CCDC92: variants seen among roughly 807,000 people sequenced by gnomAD.
CCDC92 encodes the protein coiled-coil domain-containing protein 92.
CCDC92 carries 12 observed loss-of-function variants against 24.9 expected under a neutral mutation model. That is an observed-to-expected ratio of 0.48 (90% CI 0.31 to 0.78). The LOEUF is 0.78. Among genes scored for constraint, CCDC92 ranks in the 30% least tolerant of loss-of-function variants. The probability of loss-of-function intolerance (pLI) is 0.05; values close to 1 mark genes in which losing one functional copy is unlikely to be tolerated. For missense variants in CCDC92, 399 were observed against 439.4 expected (o/e 0.91, Z 0.82); for synonymous variants, 193 against 196.3 (o/e 0.98, Z 0.14).
intron 1 of CCDC92, among the ~76,000 whole-genome samples, chr12:123,946,933 G>A (rs1485405386): frequency 6.6e-6 from 1 of 152,178 alleles, no homozygotes; most frequent in Non-Finnish European, 1.5e-5. Context: ...CAGCTTGCAG[G>A]GAGGTGTGGA....
At chr12:123,940,612 CTCT>C in intron 4 of CCDC92, among the ~76,000 whole-genome samples, 1 of 152,346 alleles carries the variant, frequency 6.6e-6, no homozygotes, top group South Asian at 2.1e-4. Context: ...CCACCTCCTC[CTCT>C]GTACGTACCC....
intron 1 of CCDC92, chr12:123,962,840 C>A (rs1956303138): frequency 6.6e-6 from 1 of 151,852 alleles, no homozygotes; most frequent in Admixed American, 6.5e-5. Context: ...ATGGCTGATG[C>A]AAGATATAGG....
rs144250194 is a variant in CCDC92, at chr12:123,942,041, G to A, written c.223+703C>T. On this transcript the variant is annotated intron_variant, in intron 4 of 4. Transcript: ENST00000238156. ...ATTGCCTTCCCGACGTGATAAACCC[G>A]TTTCCAACAGGTGTCTCTGCACAAA... Among the ~76,000 whole-genome samples the A allele has an allele frequency of 1.1e-3, 173 of 152,348 alleles. 2 individuals are homozygous for A. The highest frequency in any genetic ancestry group is 4.0e-3 in the African/African-American group (165 of 41,578).
chr12:123,948,126 TG>T (rs1255260306), intron 1 of CCDC92, among the ~76,000 whole-genome samples: 1 of 152,150 alleles, frequency 6.6e-6, no homozygotes, highest in South Asian at 2.1e-4. Flanking sequence ...AGGCACACCT[TG>T]CTCAAAGAAA....
chr12:123,944,187 G>C lies in CCDC92; in HGVS notation c.34+85C>G. 4.7e-6 allele frequency: 4 copies of C among 847,232 alleles called. No individual in the cohort carries two copies. The South Asian group carries it at 5.4e-5, about 11-fold the overall frequency. 52.5% of individuals were successfully genotyped at this position (847,232 alleles called of 1,614,324 possible). A position where few individuals can be genotyped will look rare whatever the true frequency, so the allele number is the denominator to read the frequency against. On this transcript the variant is annotated intron_variant, in intron 2 of 4. Transcript: ENST00000238156. ...TCTCATGGGGCCAGGGGGTGGTGCAGGTGTCTGGAGTCTGTCCCCAATGCT... is the reference window on the plus strand; with the variant it reads ...TCTCATGGGGCCAGGGGGTGGTGCACGTGTCTGGAGTCTGTCCCCAATGCT...
chr12:123,962,429 A>C (rs1486644116), intron 1 of CCDC92: 3 of 152,222 alleles, frequency 2.0e-5, no homozygotes, highest in Admixed American at 1.3e-4. Flanking sequence ...CTTATTTACT[A>C]ATTTATTAAT....
At chr12:123,969,740 G>T (rs1436631388) in intron 1 of CCDC92, among the ~76,000 whole-genome samples, 11 of 151,898 alleles carry the variant, frequency 7.2e-5, no homozygotes, top group African/African-American at 2.7e-4. Context: ...CACTGCCCCC[G>T]GCCTTATTCA....
intron 1 of CCDC92, among the ~76,000 whole-genome samples, chr12:123,948,687 A>T (rs1045973729): frequency 5.9e-5 from 9 of 152,220 alleles, no homozygotes; most frequent in African/African-American, 1.7e-4. Flanking sequence ...CCATCTGTGC[A>T]GGGCATTCTA....
At chr12:123,938,941 G>A (rs1194157979) in intron 4 of CCDC92, among the ~76,000 whole-genome samples, 2 of 152,066 alleles carry the variant, frequency 1.3e-5, no homozygotes, top group African/African-American at 2.4e-5. Flanking sequence ...TCTGGTCTTC[G>A]TTTCAGCCCA....
rs1956586077 is a variant in CCDC92, at chr12:123,972,573, G to C, written c.-104C>G. 3 of 151,444 alleles carry C rather than the reference G, an allele frequency of 2.0e-5. No individual in the cohort carries two copies. The highest frequency in any genetic ancestry group is 7.2e-5 in the African/African-American group (3 of 41,428). The allele number at this position is 151,444 out of a possible 1,614,324, so 9.4% of individuals were successfully genotyped here. ...GTTCCTTCAGGCGGCTGCCCTCTTA[G>C]GCTCGGTCCTCCCGGCGGGCGGCGG... On this transcript the variant is annotated 5_prime_UTR_variant, in exon 1 of 5. Transcript: ENST00000238156.
intron 4 of CCDC92, among the ~76,000 whole-genome samples, chr12:123,938,274 G>A (rs1004661999): frequency 2.0e-5 from 3 of 152,152 alleles, no homozygotes; most frequent in African/African-American, 7.2e-5. Context: ...GATGTTTAGA[G>A]GAGAAGAGGT....
intron 1 of CCDC92, among the ~76,000 whole-genome samples, chr12:123,950,046 C>T (rs983891619): frequency 2.6e-5 from 4 of 152,226 alleles, no homozygotes; most frequent in African/African-American, 9.6e-5. Flanking sequence ...GCTCTTGCAA[C>T]CCGCCTCTGG....
Position 123,972,600 on chromosome 12 carries a change from G to T in CCDC92, c.-131C>A. The T allele has an allele frequency of 6.7e-6, 1 of 150,214 alleles. No homozygotes were observed. Among genetic ancestry groups the T allele is most frequent in the South Asian group, 2.0e-4 (1 of 5,084 alleles). The allele number at this position is 150,214 out of a possible 1,614,324, so 9.3% of individuals were successfully genotyped here. A position where few individuals can be genotyped will look rare whatever the true frequency, so the allele number is the denominator to read the frequency against. On this transcript the variant is annotated 5_prime_UTR_variant, in exon 1 of 5. Transcript: ENST00000238156. ...CTCGGTCCTCCCGGCGGGCGGCGGT[G>T]GGGGCCCGTGGCCCATGGGCTGGGC...
rs772842988 is a variant in CCDC92 at position 123,937,441 on chromosome 12, G to A, written c.613C>T (p.Arg205Cys). ...KDKLPETPRR[R>C]MKKSLSAPLH... is the part of the protein sequence containing the mutation. ...GGGGCTGAGAGGCTCTTTTTCATGC[G>A]GCGGCGAGGCGTTTCGGGTAGCTTG... The change falls in exon 5 of 5, where the codon CGC becomes TGC. Residue 205 changes from arginine (R) to cysteine (C), a missense_variant. Physicochemically the swap from Arg to Cys is radical, Grantham distance 180. Coordinates refer to ENST00000238156, the MANE Select transcript of CCDC92 (RefSeq NM_025140.3). This position sits in a 1 kb window ranked among gnomAD's most constrained non-coding sequence, Gnocchi z 8.4. 22 of 1,613,530 alleles carry A rather than the reference G, an allele frequency of 1.4e-5. No individual in the cohort carries two copies. Among genetic ancestry groups the A allele is most frequent in the African/African-American group, 2.7e-5 (2 of 74,902 alleles).
At chr12:123,971,936 A>G (rs1430478416) in intron 1 of CCDC92, 1 of 152,334 alleles carries the variant, frequency 6.6e-6, no homozygotes, top group Admixed American at 6.5e-5. Flanking sequence ...CTTGTCAGGG[A>G]GGGTCTCTAA....
intron 1 of CCDC92, among the ~76,000 whole-genome samples, chr12:123,951,375 A>G (rs570364060): frequency 2.0e-5 from 3 of 152,352 alleles, no homozygotes; most frequent in Non-Finnish European, 2.9e-5. Flanking sequence ...GGGTCTCACC[A>G]TTTAAAAATG....
At chr12:123,959,581 A>C (rs1013829187) in intron 1 of CCDC92, among the ~76,000 whole-genome samples, 1 of 152,202 alleles carries the variant, frequency 6.6e-6, no homozygotes, top group Non-Finnish European at 1.5e-5. Flanking sequence ...CTGGGATTAC[A>C]GGTGTGAGCC....
chr12:123,963,270 C>T (rs1956316786), intron 1 of CCDC92, among the ~76,000 whole-genome samples: 1 of 152,222 alleles, frequency 6.6e-6, no homozygotes, highest in African/African-American at 2.4e-5. Context: ...TTATCCTGCT[C>T]TCTCTGGGTT....
chr12:123,960,523 G>T (rs937248925), intron 1 of CCDC92, among the ~76,000 whole-genome samples: 5 of 152,180 alleles, frequency 3.3e-5, no homozygotes, highest in African/African-American at 1.2e-4. Context: ...TATGTGAACT[G>T]TCAATGCTGA....
Sources: gnomAD v4.1 joint callset for allele counts (sites outside exome capture counted in the v4.1 genomes callset) on GRCh38, gnomAD v4.1.1 for gene constraint, Gnocchi (gnomAD v3.1) non-coding constraint, MANE v1.5 for transcripts, NCBI Gene and HGNC (gene_info 2026-07-23, HGNC 2026-07-21) for gene names.